NKAIN3: variants seen among roughly 807,000 people sequenced by gnomAD.
NKAIN3 encodes sodium/potassium transporting ATPase interacting 3, also known as sodium/potassium-transporting ATPase subunit beta-1-interacting protein 3.
NKAIN3 carries 25 observed loss-of-function variants against 30.2 expected under a neutral mutation model. The observed-to-expected ratio is 0.83, with a 90% CI of 0.60 to 1.16. The LOEUF is 1.16. Among genes scored for constraint, NKAIN3 ranks in the 50% most tolerant of loss-of-function variants. NKAIN3 has a pLI of 0.00. For missense variants in NKAIN3, 225 were observed against 254.1 expected (o/e 0.89, Z 0.78); for synonymous variants, 91 against 89.6 (o/e 1.02, Z -0.09).
chr8:62,308,300 G>A (rs11988958), intron 1 of NKAIN3, among the ~76,000 whole-genome samples: 1 of 150,336 alleles, frequency 6.7e-6, no homozygotes, highest in Admixed American at 6.6e-5. Context: ...GTGATTGGGT[G>A]CCTTCTGCTT....
intron 1 of NKAIN3, among the ~76,000 whole-genome samples, chr8:62,568,574 G>A (rs867415876): frequency 5.9e-5 from 9 of 152,122 alleles, no homozygotes; most frequent in African/African-American, 2.2e-4. Flanking sequence ...CACTTTTTCA[G>A]TTCATCAACT....
At chr8:62,345,521 ATG>A (rs1815953785) in intron 1 of NKAIN3, among the ~76,000 whole-genome samples, 1 of 137,442 alleles carries the variant, frequency 7.3e-6, no homozygotes, top group Non-Finnish European at 1.5e-5. Context: ...ATACACATAT[ATG>A]TATATATACA....
intron 3 of NKAIN3, among the ~76,000 whole-genome samples, chr8:62,744,934 G>T (rs952004466): frequency 1.3e-5 from 2 of 152,124 alleles, no homozygotes; most frequent in Admixed American, 1.3e-4. Context: ...ATAATTTGAG[G>T]CATACTTATA....
chr8:62,744,248 T>C (rs552628015), intron 3 of NKAIN3, among the ~76,000 whole-genome samples: 1 of 152,268 alleles, frequency 6.6e-6, no homozygotes, highest in East Asian at 1.9e-4. Context: ...CACAAAAAAC[T>C]TAAGAAGTTT....
intron 1 of NKAIN3, among the ~76,000 whole-genome samples, chr8:62,513,212 G>C (rs1807867107): frequency 6.6e-6 from 1 of 151,762 alleles, no homozygotes; most frequent in Non-Finnish European, 1.5e-5. Context: ...TAAGGAAATA[G>C]TGTAATGCAT....
intron 3 of NKAIN3, among the ~76,000 whole-genome samples, chr8:62,653,480 A>G (rs528956508): frequency 1.3e-5 from 2 of 152,206 alleles, no homozygotes; most frequent in Admixed American, 1.3e-4. Flanking sequence ...AGTTCAGTCC[A>G]TAATAGGTAC....
chr8:62,307,540 A>G (rs1360458114), intron 1 of NKAIN3, among the ~76,000 whole-genome samples: 1 of 150,502 alleles, frequency 6.6e-6, no homozygotes, highest in Non-Finnish European at 1.5e-5. Flanking sequence ...AGAAAGAGAG[A>G]CACAAATCTG....
chr8:62,275,149 T>C (rs1215736968), intron 1 of NKAIN3, among the ~76,000 whole-genome samples: 7 of 152,188 alleles, frequency 4.6e-5, no homozygotes, highest in African/African-American at 7.2e-5. Flanking sequence ...TTTCTAGTTC[T>C]AGATCCCTGA....
chr8:62,467,449 C>T (rs1162741427), intron 1 of NKAIN3, among the ~76,000 whole-genome samples: 1 of 152,140 alleles, frequency 6.6e-6, no homozygotes, highest in Non-Finnish European at 1.5e-5. Flanking sequence ...TAAATTAGTG[C>T]TCCTTTTTGA....
At chr8:62,965,280 G>C (rs775159657) in intron 6 of NKAIN3, 74 bp from the exon 7 acceptor site, 1 of 985,312 alleles carries the variant, frequency 1.0e-6, no homozygotes, top group Non-Finnish European at 1.2e-6. Context: ...ATTTCAAAAG[G>C]CCTCAATGAA....
chr8:62,692,195 C>A (rs971182355), intron 3 of NKAIN3, among the ~76,000 whole-genome samples: 2 of 152,068 alleles, frequency 1.3e-5, no homozygotes, highest in African/African-American at 4.8e-5. Flanking sequence ...AAGAAGCCAG[C>A]CCAGATTCAG....
chr8:62,864,293 A>G, intron 4 of NKAIN3: 2 of 1,304,904 alleles, frequency 1.5e-6, no homozygotes, highest in Non-Finnish European at 2.2e-6. Flanking sequence ...GCTGAGGACC[A>G]GGAAGAGAAA....
intron 4 of NKAIN3, among the ~76,000 whole-genome samples, chr8:62,844,232 G>A (rs1819610208): frequency 6.6e-6 from 1 of 152,056 alleles, no homozygotes; most frequent in Non-Finnish European, 1.5e-5. Context: ...TTTGCCTCAA[G>A]CTATTTAAAT....
At chr8:62,321,737 C>A (rs1318445519) in intron 1 of NKAIN3, among the ~76,000 whole-genome samples, 1 of 152,180 alleles carries the variant, frequency 6.6e-6, no homozygotes, top group African/African-American at 2.4e-5. Flanking sequence ...CAGTCTGCCC[C>A]TACTGGGGGG....
At chr8:62,706,884 C>T (rs1814537907) in intron 3 of NKAIN3, among the ~76,000 whole-genome samples, 1 of 152,012 alleles carries the variant, frequency 6.6e-6, no homozygotes, top group South Asian at 2.1e-4. Context: ...CATTCATATG[C>T]CTTTGCATCC....
chr8:62,849,030 T>G (rs1819778583), intron 4 of NKAIN3, among the ~76,000 whole-genome samples: 2 of 152,192 alleles, frequency 1.3e-5, no homozygotes, highest in Admixed American at 1.3e-4. Context: ...TTGTGGTGGA[T>G]AAGCTTTTTG....
At chr8:62,648,297 T>G (rs528264964) in intron 3 of NKAIN3, among the ~76,000 whole-genome samples, 37 of 152,174 alleles carry the variant, frequency 2.4e-4, no homozygotes, top group Non-Finnish European at 1.9e-4. Flanking sequence ...AATTGGCGGT[T>G]GAATTTTATT....
intron 5 of NKAIN3, among the ~76,000 whole-genome samples, chr8:62,934,758 A>G (rs560298252): frequency 3.0e-4 from 45 of 152,260 alleles, no homozygotes; most frequent in African/African-American, 1.1e-3. Context: ...AGGAGATATT[A>G]TTTTCAAAGA....
rs367788453 is a variant in NKAIN3, at chr8:62,870,226, C to A, written c.472-48227C>A. On this transcript the variant is annotated intron_variant, in intron 4 of 6. Coordinates refer to ENST00000623646, the MANE Select transcript of NKAIN3 (RefSeq NM_001304533.3). ...CTATTTTGTATATATATATCTATAT[C>A]TATATATAGATATCTATAGATATCT... Among the ~76,000 whole-genome samples, 852 of 136,188 alleles carry A rather than the reference C, an allele frequency of 6.3e-3. 6 individuals are homozygous for A. The highest frequency in any genetic ancestry group is 0.013 in the South Asian group (57 of 4,312). The allele number at this position is 136,188 out of a possible 152,430, so 89.3% of individuals were successfully genotyped here. A position where few individuals can be genotyped will look rare whatever the true frequency, so the allele number is the denominator to read the frequency against.
Sources: allele counts gnomAD v4.1 joint callset (sites outside exome capture counted in the v4.1 genomes callset), GRCh38; gene constraint gnomAD v4.1.1; transcripts MANE v1.5; gene names NCBI Gene and HGNC (gene_info 2026-07-23, HGNC 2026-07-21).